Variants in PLBD1 observed in about 807,000 individuals in gnomAD.
The protein encoded by PLBD1 is lysosomal leucine aminopeptidase.
PLBD1 carries 60 observed loss-of-function variants against 63.0 expected under a neutral mutation model. The observed-to-expected ratio is 0.95, with a 90% CI of 0.77 to 1.18. The LOEUF (loss-of-function observed/expected upper bound fraction) is 1.18, where lower values mean the gene tolerates loss of function less well. Among genes scored for constraint, PLBD1 ranks in the 50% most tolerant of loss-of-function variants. The probability of loss-of-function intolerance (pLI) is 0.00; values close to 1 mark genes in which losing one functional copy is unlikely to be tolerated. For missense variants in PLBD1, 598 were observed against 677.9 expected (o/e 0.88, Z 1.31); for synonymous variants, 262 against 248.0 (o/e 1.06, Z -0.53).
In PLBD1 at chr12:14,542,264, G is replaced by C. The variant is rs373582062; in HGVS notation, c.363C>G (p.Leu121=). The change falls in exon 3 of 11, where the codon CTC becomes CTG. Residue 121 remains leucine (L), a synonymous_variant. Coordinates refer to ENST00000240617, the MANE Select transcript of PLBD1 (RefSeq NM_024829.6). ...AAGGTTTCGTGATCAGCTGTGGGTA[G>C]AGGTTTGTGTAGTGGTCATTCATGT... The part of the protein sequence containing the change: ...APHMNDHYTN[L]YPQLITKPSI... The C allele has an allele frequency of 6.2e-7, 1 of 1,610,832 alleles. No homozygotes were observed. The highest frequency in any genetic ancestry group is 8.5e-7 in the Non-Finnish European group (1 of 1,177,132).
rs71448876 is a variant in PLBD1 at position 14,540,106 on chromosome 12, T to TTTTTTATATATATA, written c.558+657_558+658insTATATATATAAAAA. Among the ~76,000 whole-genome samples, 320 of 64,026 alleles carry TTTTTTATATATATA rather than the reference T, an allele frequency of 5.0e-3. 16 individuals are homozygous for TTTTTTATATATATA. Among genetic ancestry groups the TTTTTTATATATATA allele is most frequent in the African/African-American group, 0.018 (305 of 17,102 alleles). The allele number at this position is 64,026 out of a possible 152,430, so 42.0% of individuals were successfully genotyped here. On this transcript the variant is annotated intron_variant, in intron 4 of 10. Transcript: ENST00000240617. The stretch of plus-strand genomic sequence containing the variant: ...AAAAGAGAGTTATATAATATAAATA[T>TTTTTTATATATATA]TATTTATATATATATATATATATAT...
intron 4 of PLBD1, among the ~76,000 whole-genome samples, chr12:14,538,859 CT>C (rs1384405759): frequency 6.6e-6 from 1 of 152,034 alleles, no homozygotes; most frequent in African/African-American, 2.4e-5. Flanking sequence ...AACCCCATCT[CT>C]ATTAAAAATA....
At position 14,553,463 on chromosome 12, in the gene PLBD1, G is replaced by A. The variant is rs182704577; in HGVS notation, c.116-51C>T. The A allele has an allele frequency of 4.3e-5, 60 of 1,409,516 alleles. No homozygotes were observed. The African/African-American group carries it at 7.5e-4, about 18-fold the overall frequency. The allele number at this position is 1,409,516 out of a possible 1,614,324, so 87.3% of individuals were successfully genotyped here. On this transcript the variant is annotated intron_variant, in intron 1 of 10. Coordinates refer to ENST00000240617, the MANE Select transcript of PLBD1 (RefSeq NM_024829.6). ...AAACGCCATTCAAATGAGTTGTGATGCATTTTTTTCCTATGTATCCAACAA... is the reference window on the plus strand; with the variant it reads ...AAACGCCATTCAAATGAGTTGTGATACATTTTTTTCCTATGTATCCAACAA...
At chr12:14,529,158 G>A (rs1306291364) in intron 6 of PLBD1, among the ~76,000 whole-genome samples, 2 of 151,926 alleles carry the variant, frequency 1.3e-5, no homozygotes, top group Non-Finnish European at 2.9e-5. Context: ...TCACACCACT[G>A]TACTCCAGCC....
chr12:14,540,608 T>A (rs2136924071), intron 4 of PLBD1, among the ~76,000 whole-genome samples, 156 bp downstream of exon 4: 1 of 152,314 alleles, frequency 6.6e-6, no homozygotes, highest in South Asian at 2.1e-4. Context: ...GTAAGTTAGG[T>A]GCTGCAATAT....
intron 4 of PLBD1, among the ~76,000 whole-genome samples, chr12:14,537,088 CAAAAA>C (rs371859037): frequency 1.9e-5 from 1 of 53,432 alleles, no homozygotes. Context: ...GACCGCATCT[CAAAAA>C]AAAAAAAAAA....
Position 14,567,646 on chromosome 12 carries a change from C to G in PLBD1, c.51G>C (p.Pro17=). 4 of 1,495,822 alleles carry G rather than the reference C, an allele frequency of 2.7e-6. No individual in the cohort carries two copies. Among genetic ancestry groups the G allele is most frequent in the Non-Finnish European group, 3.5e-6 (4 of 1,130,572 alleles). 92.7% of individuals were successfully genotyped at this position (1,495,822 alleles called of 1,614,324 possible). The change falls in exon 1 of 11, where the codon CCG becomes CCC. Residue 17 remains proline (P), a synonymous_variant. Coordinates refer to ENST00000240617, the MANE Select transcript of PLBD1 (RefSeq NM_024829.6). ...GCAGCAGCAGCAGCAGCAGCAGAAG[C>G]GGTGGCGGCTGTGGCAGCCCCGGGC... The part of the protein sequence containing the change: ...GGRPGLPQPP[P]LLLLLLLLPL...
rs1325582765 is a variant in PLBD1, at chr12:14,542,249, G to A, written c.378C>T (p.Ile126=). Residue 126 remains isoleucine (I), a synonymous_variant, in exon 3 of 11, where the codon ATC becomes ATT. Coordinates refer to ENST00000240617, the MANE Select transcript of PLBD1 (RefSeq NM_024829.6). ...DHYTNLYPQL[I]TKPSIMDKVQ... is the part of the protein sequence containing the mutation. ...CTTTATCCATGATGGAAGGTTTCGT[G>A]ATCAGCTGTGGGTAGAGGTTTGTGT... 11 of 1,611,086 alleles carry A rather than the reference G, an allele frequency of 6.8e-6. No homozygotes were observed. The East Asian group carries it at 2.2e-4, about 33-fold the overall frequency.
At position 14,509,066 on chromosome 12, in the gene PLBD1, T is replaced by C. The variant is rs145506690; in HGVS notation, c.1187-1948A>G. Among the ~76,000 whole-genome samples, 62 of 152,152 alleles carry C rather than the reference T, an allele frequency of 4.1e-4. 1 individual carries two copies. Among genetic ancestry groups the C allele is most frequent in the African/African-American group, 1.5e-3 (62 of 41,532 alleles). Reference sequence around the variant, plus strand: ...TTTGTTTGGGCAAAACATGTTTCTTTCTGAGCTTTTCTTTACTCACAGTAA... The same window carrying C: ...TTTGTTTGGGCAAAACATGTTTCTTCCTGAGCTTTTCTTTACTCACAGTAA... On this transcript the variant is annotated intron_variant, in intron 8 of 10. Coordinates refer to ENST00000240617, the MANE Select transcript of PLBD1 (RefSeq NM_024829.6).
intron 10 of PLBD1, among the ~76,000 whole-genome samples, chr12:14,505,106 CTTTTTTTT>C (rs57466061): frequency 2.6e-4 from 37 of 140,506 alleles, no homozygotes; most frequent in Admixed American, 3.5e-4. Flanking sequence ...CTACGTCTAC[CTTTTTTTT>C]TTTTTTTTTT....
At position 14,535,550 on chromosome 12, in the gene PLBD1, A is replaced by G. The variant is rs917126468; in HGVS notation, c.844+109T>C. 3 of 1,207,122 alleles carry G rather than the reference A, an allele frequency of 2.5e-6. No homozygotes were observed. The African/African-American group carries it at 4.6e-5, about 18-fold the overall frequency. 74.8% of individuals were successfully genotyped at this position (1,207,122 alleles called of 1,614,324 possible). On this transcript the variant is annotated intron_variant, in intron 6 of 10. Transcript: ENST00000240617. ...TGAAAATCAGATTGTTTGTTAATAT[A>G]TACTAACCATTAAACATTTCTTCTC...
chr12:14,513,083 GT>G (rs1945310903), intron 6 of PLBD1, among the ~76,000 whole-genome samples: 1 of 152,088 alleles, frequency 6.6e-6, no homozygotes, highest in Non-Finnish European at 1.5e-5. Context: ...CCATATCTGA[GT>G]ACTATCTGAA....
intron 6 of PLBD1, among the ~76,000 whole-genome samples, chr12:14,519,159 C>T (rs1945356734): frequency 6.6e-6 from 1 of 152,144 alleles, no homozygotes; most frequent in Non-Finnish European, 1.5e-5. Context: ...TATTCCTAAA[C>T]CCGTGATATG....
At chr12:14,505,190 G>T (rs1945243835) in intron 10 of PLBD1, among the ~76,000 whole-genome samples, 1 of 150,586 alleles carries the variant, frequency 6.6e-6, no homozygotes, top group African/African-American at 2.5e-5. Context: ...AAAGAAGGTT[G>T]AGCTGGAACT....
At chr12:14,553,708 G>A (rs937107507) in intron 1 of PLBD1, 6 of 458,662 alleles carry the variant, frequency 1.3e-5, no homozygotes, top group Non-Finnish European at 2.4e-5. Flanking sequence ...GGGCAGGGCT[G>A]GAGCTGGACC....
chr12:14,506,847 C>G (rs1280800402), intron 9 of PLBD1, 86 bp downstream of exon 9: 1 of 1,203,584 alleles, frequency 8.3e-7, no homozygotes, highest in Non-Finnish European at 1.2e-6. Flanking sequence ...CCTTCTAGTA[C>G]AGAGATGATA....
chr12:14,553,264 A>G lies in PLBD1; in HGVS notation c.264T>C (p.Tyr88=), dbSNP rs1463445106. The G allele has an allele frequency of 5.0e-6, 8 of 1,614,188 alleles. No homozygotes were observed. Among genetic ancestry groups the G allele is most frequent in the Non-Finnish European group, 6.8e-6 (8 of 1,180,024 alleles). The stretch of plus-strand genomic sequence containing the variant: ...TCTCATTGCTCAGGGTTTGAGAGCC[A>G]TAGCCAGCTCTGATCTCCAGGATGC... The part of the protein sequence containing the change: ...GWGILEIRAG[Y]GSQTLSNEII... The change falls in exon 2 of 11, where the codon TAT becomes TAC. Residue 88 remains tyrosine (Y), a synonymous_variant. Transcript: ENST00000240617.
In PLBD1 at chr12:14,553,233, T is replaced by C; in HGVS notation, c.295A>G (p.Met99Val). ...CCCTCCAAAAAGCCAGCCACAAACA[T>C]GATGATCTCATTGCTCAGGGTTTGA... ...GSQTLSNEII[M>V]FVAGFLEGYL... Residue 99 changes from methionine (M) to valine (V), a missense_variant, in exon 2 of 11, where the codon ATG becomes GTG. Transcript: ENST00000240617. The C allele has an allele frequency of 1.2e-6, 2 of 1,613,904 alleles. No homozygotes were observed. Among genetic ancestry groups the C allele is most frequent in the East Asian group, 2.2e-5 (1 of 44,868 alleles).
At chr12:14,559,946 C>T (rs1010506510) in intron 1 of PLBD1, among the ~76,000 whole-genome samples, 1 of 151,870 alleles carries the variant, frequency 6.6e-6, no homozygotes, top group African/African-American at 2.4e-5. Context: ...CCACAGCCTC[C>T]GCCTCCCGGG....
Sources: gnomAD v4.1 joint callset for allele counts (sites outside exome capture counted in the v4.1 genomes callset) on GRCh38, gnomAD v4.1.1 for gene constraint, MANE v1.5 for transcripts, NCBI Gene and HGNC (gene_info 2026-07-23, HGNC 2026-07-21) for gene names.